The following JARID2 variants were observed in gnomAD, a reference collection of about 807,000 sequenced individuals.
JARID2 encodes the protein jumonji and AT-rich interaction domain containing 2, also known as protein Jumonji.
In JARID2, 21 loss-of-function variants were observed where a neutral mutation model predicts 125.6. The observed-to-expected ratio is 0.17, with a 90% confidence interval of 0.12 to 0.24. The LOEUF (loss-of-function observed/expected upper bound fraction) is 0.24, where lower values mean the gene tolerates loss of function less well. Ranked by LOEUF, JARID2 falls within the 10% of genes least tolerant of loss-of-function variation. The pLI, the probability that JARID2 is intolerant of heterozygous loss-of-function variation, is 1.00. For synonymous variants in JARID2, 736 were observed against 661.6 expected (o/e 1.11, Z -1.73); for missense variants, 1,303 against 1,639.6 (o/e 0.79, Z 3.55).
chr6:15,256,301 G>T (rs1027183722), intron 1 of JARID2, among the ~76,000 whole-genome samples: 1 of 152,090 alleles, frequency 6.6e-6, no homozygotes, highest in African/African-American at 2.4e-5. Context: ...AAGGCTTTAC[G>T]GATTAGAAGG....
intron 2 of JARID2, among the ~76,000 whole-genome samples, chr6:15,400,244 G>A (rs750479777): frequency 1.5e-4 from 23 of 152,032 alleles, no homozygotes; most frequent in African/African-American, 4.8e-4. Context: ...TGGCCCATGC[G>A]GTCACTTCAT....
At chr6:15,393,744 G>C (rs1765112507) in intron 2 of JARID2, among the ~76,000 whole-genome samples, 1 of 152,138 alleles carries the variant, frequency 6.6e-6, no homozygotes, top group African/African-American at 2.4e-5. Flanking sequence ...ATTGGGACTT[G>C]GATGATTTCA....
intron 5 of JARID2, among the ~76,000 whole-genome samples, chr6:15,475,120 A>G (rs1474218030): frequency 6.6e-6 from 1 of 152,174 alleles, no homozygotes; most frequent in Non-Finnish European, 1.5e-5. Context: ...ACTGAGGTCC[A>G]TTTCTCTGTA....
intron 1 of JARID2, among the ~76,000 whole-genome samples, chr6:15,280,801 G>C (rs1010089572): frequency 6.6e-6 from 1 of 151,930 alleles, no homozygotes; most frequent in African/African-American, 2.4e-5. Context: ...GCTAATTTTT[G>C]TATTTTCATT....
chr6:15,520,185 AGTGGAC>A lies in JARID2; in HGVS notation c.3679_3684del (p.Asp1227_Val1228del). On this transcript the variant is annotated inframe_deletion, in exon 18 of 18. Coordinates refer to ENST00000341776, the MANE Select transcript of JARID2 (RefSeq NM_004973.4). Reference sequence around the variant, plus strand: ...AAAGAGGTCCCCGCAAGAGAGCGACAGTGGACGTGCCCCCCTCCCGTCTGTCAGCCT... The same window carrying A: ...AAAGAGGTCCCCGCAAGAGAGCGACAGTGCCCCCCTCCCGTCTGTCAGCCT... 1.2e-6 allele frequency: 2 copies of A among 1,613,958 alleles called. No individual in the cohort carries two copies. The highest frequency in any genetic ancestry group is 1.7e-6 in the Non-Finnish European group (2 of 1,179,934).
chr6:15,380,166 G>T (rs1338968846), intron 2 of JARID2, among the ~76,000 whole-genome samples: 1 of 151,974 alleles, frequency 6.6e-6, no homozygotes, highest in African/African-American at 2.4e-5. Context: ...CTCCCGAGTA[G>T]CTGGGATTAC....
chr6:15,371,628 T>C (rs891077050), intron 1 of JARID2, among the ~76,000 whole-genome samples: 1 of 152,214 alleles, frequency 6.6e-6, no homozygotes, highest in Non-Finnish European at 1.5e-5. Flanking sequence ...TTTCATGTGT[T>C]GTGGTGTCAA....
chr6:15,517,687 T>C lies in JARID2; in HGVS notation c.3558+419T>C, dbSNP rs140851995. Among the ~76,000 whole-genome samples the C allele has an allele frequency of 7.8e-4, 119 of 152,274 alleles. 1 individual carries two copies. In the East Asian group the frequency reaches 0.015, roughly 19 times the overall value. On this transcript the variant is annotated intron_variant, in intron 17 of 17. Coordinates refer to ENST00000341776, the MANE Select transcript of JARID2 (RefSeq NM_004973.4). ...GAGAGCTGGAAGTGTCTGCGGACAC[T>C]GGGGCAGGACGGGCCCCATGATGTG... is the stretch of plus-strand genomic sequence containing the variant.
intron 3 of JARID2, among the ~76,000 whole-genome samples, chr6:15,420,887 A>C (rs1179038971): frequency 2.0e-5 from 3 of 152,202 alleles, no homozygotes; most frequent in South Asian, 2.1e-4. Flanking sequence ...AAGAATGGGC[A>C]CTATTCCTGG....
At chr6:15,495,788 G>A (rs1263389236) in intron 6 of JARID2, among the ~76,000 whole-genome samples, 2 of 152,186 alleles carry the variant, frequency 1.3e-5, no homozygotes, top group African/African-American at 4.8e-5. Flanking sequence ...TGCATGGCAC[G>A]TGGGGAGGTC....
intron 1 of JARID2, among the ~76,000 whole-genome samples, chr6:15,312,383 T>C (rs990244174): frequency 3.3e-5 from 5 of 152,188 alleles, no homozygotes; most frequent in Admixed American, 6.5e-5. Flanking sequence ...ACCAATCTTA[T>C]TGAAGTAAAA....
intron 2 of JARID2, among the ~76,000 whole-genome samples, chr6:15,405,114 T>C (rs1288166516): frequency 6.6e-6 from 1 of 152,228 alleles, no homozygotes; most frequent in Non-Finnish European, 1.5e-5. Context: ...GTGTTTCAAT[T>C]TTCCCAACGC....
intron 3 of JARID2, among the ~76,000 whole-genome samples, chr6:15,445,271 A>G (rs1254864372): frequency 6.6e-6 from 1 of 152,202 alleles, no homozygotes; most frequent in East Asian, 1.9e-4. Flanking sequence ...AGTATTTGGC[A>G]TAGGACTGTT....
intron 1 of JARID2, among the ~76,000 whole-genome samples, chr6:15,287,021 AG>A (rs1380647056): frequency 3.9e-5 from 6 of 152,238 alleles, no homozygotes; most frequent in African/African-American, 1.4e-4. Context: ...AGGCTGAGGC[AG>A]GATAATCTTG....
intron 1 of JARID2, among the ~76,000 whole-genome samples, chr6:15,344,610 G>C (rs994896948): frequency 1.3e-5 from 2 of 151,716 alleles, no homozygotes; most frequent in Non-Finnish European, 2.9e-5. Context: ...CTCAGTCTCT[G>C]ATTGTAGAAA....
At chr6:15,415,687 C>T (rs866829430) in intron 3 of JARID2, among the ~76,000 whole-genome samples, 17 of 142,812 alleles carry the variant, frequency 1.2e-4, no homozygotes, top group African/African-American at 4.1e-4. Context: ...GCTGGCCGGG[C>T]GGGGGGCTGA....
chr6:15,340,451 A>G (rs969026962), intron 1 of JARID2, among the ~76,000 whole-genome samples: 7 of 152,182 alleles, frequency 4.6e-5, no homozygotes, highest in African/African-American at 1.7e-4. Context: ...GTTATGAACA[A>G]CCAGTTTGGT....
chr6:15,311,885 G>T (rs1762026632), intron 1 of JARID2, among the ~76,000 whole-genome samples: 1 of 152,040 alleles, frequency 6.6e-6, no homozygotes, highest in African/African-American at 2.4e-5. Context: ...TTCCACATTT[G>T]GACCAGGTCC....
At chr6:15,438,038 T>TC (rs1476866676) in intron 3 of JARID2, among the ~76,000 whole-genome samples, 2 of 152,206 alleles carry the variant, frequency 1.3e-5, no homozygotes, top group Admixed American at 6.5e-5. Context: ...TGGGGCCTGT[T>TC]CTGGGTATGA....
Sources: gnomAD v4.1 joint callset for allele counts (sites outside exome capture counted in the v4.1 genomes callset) on GRCh38, gnomAD v4.1.1 for gene constraint, MANE v1.5 for transcripts, NCBI Gene and HGNC (gene_info 2026-07-23, HGNC 2026-07-21) for gene names.